The following TP73 variants were observed in gnomAD, a reference collection of about 807,000 sequenced individuals.
TP73 encodes the protein tumor protein p73, also known as p53-like transcription factor.
Under a neutral mutation model 62.5 loss-of-function variants are expected in TP73, and 25 were observed. That is an observed-to-expected ratio of 0.40 (90% CI 0.29 to 0.56). The LOEUF (loss-of-function observed/expected upper bound fraction) is 0.56, where lower values mean the gene tolerates loss of function less well. TP73 is among the 20% of genes least tolerant of loss of function. The pLI is 0.46. For missense variants in TP73, 754 were observed against 913.3 expected (o/e 0.83, Z 2.25); for synonymous variants, 423 against 377.5 (o/e 1.12, Z -1.40).
intron 4 of TP73, among the ~76,000 whole-genome samples, chr1:3,710,927 G>A (rs898098063): frequency 5.3e-5 from 8 of 152,216 alleles, no homozygotes; most frequent in Non-Finnish European, 5.9e-5. Flanking sequence ...GAGGCGAGTC[G>A]TGGGTAACCG....
At chr1:3,652,862 G>A (rs1413259134) in intron 1 of TP73, 1 of 152,344 alleles carries the variant, frequency 6.6e-6, no homozygotes, top group East Asian at 1.9e-4. Context: ...TAGCCTGCGA[G>A]GAGACGCGGG....
chr1:3,695,878 A>G (rs115433499), intron 3 of TP73, among the ~76,000 whole-genome samples: 6,773 of 152,284 alleles, frequency 0.044, 488 homozygotes, highest in African/African-American at 0.15. Context: ...GTCAGGTGGT[A>G]CCACACCGTG....
chr1:3,724,498 T>C (rs1641346412), intron 6 of TP73, among the ~76,000 whole-genome samples: 1 of 152,120 alleles, frequency 6.6e-6, no homozygotes, highest in Admixed American at 6.5e-5. Context: ...CAGCCCCTTA[T>C]GTCAGCAGAA....
rs35410496 is a variant in TP73 at position 3,701,671 on chromosome 1, AT to A, written c.187-5869del. 6.6e-6 allele frequency among the ~76,000 whole-genome samples: 1 copy of A among 151,136 alleles called. No individual in the cohort carries two copies. Among genetic ancestry groups the A allele is most frequent in the Non-Finnish European group, 1.5e-5 (1 of 67,730 alleles). On this transcript the variant is annotated intron_variant, in intron 3 of 13. Transcript: ENST00000378295. This position sits in a 1 kb window ranked among gnomAD's most constrained non-coding sequence, Gnocchi z 4.7. ...AGGTGCCCACCACCACGCCCAGCTA[AT>A]TTTTTTTTGTAGTTTTAGTAGAGAC... is the stretch of plus-strand genomic sequence containing the variant.
chr1:3,673,425 A>G (rs1486637939), intron 1 of TP73, among the ~76,000 whole-genome samples: 2 of 152,216 alleles, frequency 1.3e-5, no homozygotes, highest in African/African-American at 4.8e-5. Flanking sequence ...TTTATGGGGC[A>G]TCCACGGTGT....
chr1:3,717,451 G>T (rs984036657), intron 4 of TP73, among the ~76,000 whole-genome samples: 1 of 152,262 alleles, frequency 6.6e-6, no homozygotes, highest in East Asian at 1.9e-4. Flanking sequence ...AAGTCCAGGC[G>T]GCTCCGTGTC....
intron 4 of TP73, among the ~76,000 whole-genome samples, chr1:3,716,816 C>T (rs3819967): frequency 0.24 from 36,820 of 151,980 alleles, 5,186 homozygotes; most frequent in Non-Finnish European, 0.31. Flanking sequence ...TGTGAACCCA[C>T]GAATTTAATG....
At chr1:3,683,973 G>C (rs1319385417) in intron 3 of TP73, among the ~76,000 whole-genome samples, 1 of 152,262 alleles carries the variant, frequency 6.6e-6, no homozygotes, top group Non-Finnish European at 1.5e-5. Flanking sequence ...CCATTCCTGG[G>C]AGTCTCAAGC....
chr1:3,727,789 G>A lies in TP73; in HGVS notation c.985+19G>A, dbSNP rs549221982. 46 of 1,514,702 alleles carry A rather than the reference G, an allele frequency of 3.0e-5. No homozygotes were observed. Among genetic ancestry groups the A allele is most frequent in the South Asian group, 1.4e-4 (11 of 80,128 alleles). 93.8% of individuals were successfully genotyped at this position (1,514,702 alleles called of 1,614,324 possible). ...AAGCGTGGTGAGCGGCCGGCCAGGG[G>A]AACTGGACGCGTGTGGGAGGAGAAG... is the stretch of plus-strand genomic sequence containing the variant. On this transcript the variant is annotated intron_variant, in intron 8 of 13. Transcript: ENST00000378295.
rs781413092 is a variant in TP73 at position 3,731,036 on chromosome 1, C to A, written c.1455C>A (p.Pro485=). 3 of 1,612,282 alleles carry A rather than the reference C, an allele frequency of 1.9e-6. No homozygotes were observed. The South Asian group carries it at 3.3e-5, about 18-fold the overall frequency. The change falls in exon 12 of 14, where the codon CCC becomes CCA. Residue 485 remains proline (P), a synonymous_variant. Coordinates refer to ENST00000378295, the MANE Select transcript of TP73 (RefSeq NM_005427.4). ...MVSGSHCTPP[P]PYHADPSLVS... is the part of the protein sequence containing the mutation. ...CGGGGTCCCACTGCACTCCGCCACCCCCCTACCACGCCGACCCCAGCCTCG... is the reference window on the plus strand; with the variant it reads ...CGGGGTCCCACTGCACTCCGCCACCACCCTACCACGCCGACCCCAGCCTCG...
intron 1 of TP73, among the ~76,000 whole-genome samples, chr1:3,669,951 G>C (rs574737794): frequency 2.6e-5 from 4 of 152,344 alleles, no homozygotes; most frequent in South Asian, 4.1e-4. Flanking sequence ...TGTGTTGCTA[G>C]AGGTGAGAGG....
chr1:3,671,566 C>T (rs577499040), intron 1 of TP73, among the ~76,000 whole-genome samples: 1 of 152,326 alleles, frequency 6.6e-6, no homozygotes, highest in African/African-American at 2.4e-5. Flanking sequence ...CTCCAGAGGA[C>T]GGGCTGCCTG....
At chr1:3,688,945 C>A (rs1645736307) in intron 3 of TP73, among the ~76,000 whole-genome samples, 1 of 152,150 alleles carries the variant, frequency 6.6e-6, no homozygotes, top group South Asian at 2.1e-4. Context: ...ATGGGACTCG[C>A]CTGAGTCTCC....
At chr1:3,726,420 GTGGGTGTT>G (rs1641612760) in intron 6 of TP73, among the ~76,000 whole-genome samples, 1 of 99,282 alleles carries the variant, frequency 1.0e-5, no homozygotes. Flanking sequence ...GATGGATGGG[GTGGGTGTT>G]GGGGGTGGAC....
chr1:3,712,731 C>T (rs1252671654), intron 4 of TP73, among the ~76,000 whole-genome samples: 3 of 152,184 alleles, frequency 2.0e-5, no homozygotes, highest in Admixed American at 6.5e-5. Flanking sequence ...GCAGCATTGC[C>T]CCTATGTGCA....
rs3765698 is a variant in TP73, at chr1:3,670,994, T to C, written c.-33-11339T>C. Among the ~76,000 whole-genome samples the C allele has an allele frequency of 0.069, 10,512 of 152,238 alleles. 501 individuals are homozygous for C. Among genetic ancestry groups the C allele is most frequent in the East Asian group, 0.17 (901 of 5,176 alleles). ...TGGGAGGGAGGAGCCCTGGCAGGTC[T>C]GGGGAAGACCAGCGTCTCTTAAATG... On this transcript the variant is annotated intron_variant, in intron 1 of 13. Coordinates refer to ENST00000378295, the MANE Select transcript of TP73 (RefSeq NM_005427.4). This position sits in a 1 kb window ranked among gnomAD's most constrained non-coding sequence, Gnocchi z 5.9.
In TP73 at chr1:3,704,485, G is replaced by A. The variant is rs148988640; in HGVS notation, c.187-3064G>A. Among the ~76,000 whole-genome samples the A allele has an allele frequency of 4.7e-4, 72 of 152,294 alleles. 2 individuals carry two copies. In the East Asian group the frequency reaches 0.013, roughly 28 times the overall value. On this transcript the variant is annotated intron_variant, in intron 3 of 13. Coordinates refer to ENST00000378295, the MANE Select transcript of TP73 (RefSeq NM_005427.4). ...GAGACAGAAGCCATGGGGGACATGC[G>A]AGCCTGCCCTTCCGGAGAATGGCTA...
chr1:3,654,658 A>C (rs1219554265), intron 1 of TP73, among the ~76,000 whole-genome samples: 2 of 152,190 alleles, frequency 1.3e-5, no homozygotes, highest in East Asian at 3.9e-4. Flanking sequence ...TTCGGGTCCC[A>C]GGTGCTGTTC....
At chr1:3,654,142 C>A (rs1391917129) in intron 1 of TP73, among the ~76,000 whole-genome samples, 1 of 152,154 alleles carries the variant, frequency 6.6e-6, no homozygotes, top group Non-Finnish European at 1.5e-5. Flanking sequence ...CCACTGCACT[C>A]CAGCCTGGGC....
Sources: allele counts gnomAD v4.1 joint callset (sites outside exome capture counted in the v4.1 genomes callset), GRCh38; gene constraint gnomAD v4.1.1; non-coding constraint Gnocchi (gnomAD v3.1); transcripts MANE v1.5; gene names NCBI Gene and HGNC (gene_info 2026-07-23, HGNC 2026-07-21).